Variants in KCNH5 observed in about 807,000 individuals in gnomAD.
KCNH5 encodes potassium voltage-gated channel subfamily H member 5.
Under a neutral mutation model 96.1 loss-of-function variants are expected in KCNH5, and 46 were observed. The observed-to-expected ratio is 0.48, with a 90% CI of 0.38 to 0.61. The LOEUF (loss-of-function observed/expected upper bound fraction) is 0.61. Ranked by LOEUF, KCNH5 falls within the 20% of genes least tolerant of loss-of-function variation. The pLI, the probability that KCNH5 is intolerant of heterozygous loss-of-function variation, is 0.00. For missense variants in KCNH5, 907 were observed against 1,225.8 expected (o/e 0.74, Z 3.88); for synonymous variants, 439 against 449.8 (o/e 0.98, Z 0.30).
chr14:62,981,768 T>A (rs191094850), intron 5 of KCNH5, among the ~76,000 whole-genome samples: 21 of 152,180 alleles, frequency 1.4e-4, no homozygotes, highest in Non-Finnish European at 3.1e-4. Flanking sequence ...GTGTAAAGGG[T>A]TGTAAAGGGT....
At chr14:62,756,727 T>C (rs1885632044) in intron 10 of KCNH5, among the ~76,000 whole-genome samples, 1 of 152,180 alleles carries the variant, frequency 6.6e-6, no homozygotes, top group Admixed American at 6.5e-5. Context: ...TAAATTGTGC[T>C]GGGAAAACTG....
intron 6 of KCNH5, among the ~76,000 whole-genome samples, chr14:62,955,997 T>C (rs1314495498): frequency 4.6e-5 from 7 of 152,138 alleles, no homozygotes; most frequent in Non-Finnish European, 7.4e-5. Flanking sequence ...GCAGCCTTCC[T>C]GTCCTTACCC....
At chr14:62,753,686 T>C (rs1402656526) in intron 10 of KCNH5, among the ~76,000 whole-genome samples, 1 of 152,086 alleles carries the variant, frequency 6.6e-6, no homozygotes, top group Non-Finnish European at 1.5e-5. Context: ...GAGAGTGGCA[T>C]AATATATTCA....
At chr14:62,934,580 C>A (rs1401438798) in intron 7 of KCNH5, among the ~76,000 whole-genome samples, 8 of 152,068 alleles carry the variant, frequency 5.3e-5, no homozygotes, top group African/African-American at 1.9e-4. Context: ...GTTTTCAGTC[C>A]CTCTAATTCC....
At chr14:62,779,667 T>C in intron 10 of KCNH5, 61 bp downstream of exon 10, 2 of 1,332,136 alleles carry the variant, frequency 1.5e-6, no homozygotes, top group Non-Finnish European at 2.1e-6. Flanking sequence ...CTTCAGCTAA[T>C]AGAGCTGAAT....
chr14:62,782,637 C>T (rs563516457), intron 9 of KCNH5, among the ~76,000 whole-genome samples: 4 of 152,026 alleles, frequency 2.6e-5, no homozygotes, highest in Admixed American at 2.0e-4. Context: ...GGTGAAACAC[C>T]GTCTCTACTA....
intron 7 of KCNH5, among the ~76,000 whole-genome samples, chr14:62,855,342 C>T (rs951955420): frequency 1.3e-5 from 2 of 152,204 alleles, no homozygotes; most frequent in African/African-American, 2.4e-5. Context: ...CAAAATGTTC[C>T]ATCAGTCTGT....
At chr14:62,821,962 C>A (rs1302970807) in intron 8 of KCNH5, among the ~76,000 whole-genome samples, 1 of 151,982 alleles carries the variant, frequency 6.6e-6, no homozygotes, top group African/African-American at 2.4e-5. Flanking sequence ...AAGAAATATT[C>A]AAAAAGCTAA....
intron 7 of KCNH5, among the ~76,000 whole-genome samples, chr14:62,908,657 GC>G (rs911373041): frequency 2.6e-5 from 4 of 152,140 alleles, no homozygotes; most frequent in African/African-American, 9.7e-5. Context: ...CATGTGTCCA[GC>G]TATAGCTGGA....
intron 10 of KCNH5, among the ~76,000 whole-genome samples, chr14:62,732,818 C>T (rs1885078325): frequency 6.6e-6 from 1 of 152,108 alleles, no homozygotes. Flanking sequence ...TAACAATTTC[C>T]TTGTTAAGGA....
chr14:62,891,949 A>G (rs973839884), intron 7 of KCNH5, among the ~76,000 whole-genome samples: 1 of 152,160 alleles, frequency 6.6e-6, no homozygotes, highest in Admixed American at 6.5e-5. Context: ...TTCTTCCCCT[A>G]CTTGGGTCTC....
chr14:62,766,684 A>T (rs1885868062), intron 10 of KCNH5, among the ~76,000 whole-genome samples: 1 of 152,120 alleles, frequency 6.6e-6, no homozygotes. Context: ...AGAAACTGGG[A>T]TGGGTGGTGG....
chr14:62,806,517 C>G (rs1443627017), intron 8 of KCNH5, among the ~76,000 whole-genome samples: 3 of 152,070 alleles, frequency 2.0e-5, no homozygotes, highest in African/African-American at 7.2e-5. Flanking sequence ...TTCTGGTGAA[C>G]TACAGAAGGG....
rs142505437 is a variant in KCNH5 at position 62,975,966 on chromosome 14, A to G, written c.942+4906T>C. On this transcript the variant is annotated intron_variant, in intron 6 of 10. Transcript: ENST00000322893. The stretch of plus-strand genomic sequence containing the variant: ...CAACCATACAAAAGCAAATTTAGCT[A>G]TAATAGTATTAAGCAAACTAGACCT... Among the ~76,000 whole-genome samples the G allele has an allele frequency of 4.9e-3, 742 of 152,258 alleles. 9 individuals carry two copies. The highest frequency in any genetic ancestry group is 0.017 in the African/African-American group (705 of 41,546).
rs984614454 is a variant in KCNH5 at position 62,707,609 on chromosome 14, G to T, written c.2866C>A (p.Gln956Lys). The change falls in exon 11 of 11, where the codon CAA (glutamine) becomes AAA (lysine). Residue 956 changes from glutamine (Q) to lysine (K), a missense_variant. Transcript: ENST00000322893. Reference protein sequence around the residue: ...SVPQASSPKSQMPLQVPPQIP... With the variant: ...SVPQASSPKSKMPLQVPPQIP... The stretch of plus-strand genomic sequence containing the variant: ...TGGGGGGGTACTTGGAGTGGCATTT[G>T]GGATTTGGGAGATGAGGCCTGGGGT... 8 of 1,544,674 alleles carry T rather than the reference G, an allele frequency of 5.2e-6. No homozygotes were observed. Among genetic ancestry groups the T allele is most frequent in the Non-Finnish European group, 7.0e-6 (8 of 1,142,714 alleles).
chr14:62,832,084 GC>G (rs1224655083), intron 8 of KCNH5, among the ~76,000 whole-genome samples: 1 of 151,952 alleles, frequency 6.6e-6, no homozygotes, highest in Non-Finnish European at 1.5e-5. Context: ...TCATATTAAA[GC>G]AATTTAAAAC....
intron 10 of KCNH5, among the ~76,000 whole-genome samples, chr14:62,719,956 T>C (rs1027383922): frequency 3.3e-5 from 5 of 152,212 alleles, no homozygotes; most frequent in African/African-American, 1.2e-4. Flanking sequence ...GTTTTGGAGT[T>C]AGGAATATAT....
At chr14:62,821,140 G>A (rs973336658) in intron 8 of KCNH5, among the ~76,000 whole-genome samples, 7 of 151,434 alleles carry the variant, frequency 4.6e-5, no homozygotes, top group East Asian at 3.9e-4. Context: ...TTAAAAAAGC[G>A]GGCAAAGGAC....
chr14:62,754,855 A>C (rs558388132), intron 10 of KCNH5, among the ~76,000 whole-genome samples: 4 of 152,056 alleles, frequency 2.6e-5, no homozygotes, highest in Non-Finnish European at 5.9e-5. Context: ...AGCCTGGGTG[A>C]CAAAGCAAGT....
Sources: gnomAD v4.1 joint callset for allele counts (sites outside exome capture counted in the v4.1 genomes callset) on GRCh38, gnomAD v4.1.1 for gene constraint, MANE v1.5 for transcripts, NCBI Gene and HGNC (gene_info 2026-07-23, HGNC 2026-07-21) for gene names.